Variants in MAGI3 observed in about 807,000 individuals in gnomAD.
The protein encoded by MAGI3 is membrane-associated guanylate kinase, WW and PDZ domain-containing protein 3.
MAGI3 carries 43 observed loss-of-function variants against 121.8 expected under a neutral mutation model. The observed-to-expected ratio is 0.35, with a 90% CI of 0.28 to 0.46. The LOEUF is 0.46. MAGI3 is among the 20% of genes least tolerant of loss of function. MAGI3 has a pLI of 1.00. For missense variants in MAGI3, 1,547 were observed against 1,797.3 expected, an observed-to-expected ratio of 0.86 and a Z score of 2.52; for synonymous variants, 553 against 639.3, an observed-to-expected ratio of 0.86 and a Z score of 2.04.
intron 4 of MAGI3, 103 bp from the exon 5 acceptor site, chr1:113,590,381 C>T: frequency 2.7e-6 from 3 of 1,111,874 alleles, no homozygotes; most frequent in South Asian, 2.9e-5. Flanking sequence ...AAGAAATTTG[C>T]CATATTTATG....
In MAGI3 at chr1:113,642,071, T is replaced by C; in HGVS notation, c.1521T>C (p.Ile507=). 1 of 1,614,156 alleles carries C rather than the reference T, an allele frequency of 6.2e-7. No individual in the cohort carries two copies. The highest frequency in any genetic ancestry group is 8.5e-7 in the Non-Finnish European group (1 of 1,180,040). Reference sequence around the variant, plus strand: ...ACAGTGAAGATCCTGTTGTGGACATTGTTGCTGCTACCCCTGTCATCAATG... The same window carrying C: ...ACAGTGAAGATCCTGTTGTGGACATCGTTGCTGCTACCCCTGTCATCAATG... ...PDDSEDPVVD[I]VAATPVINGQ... The change falls in exon 10 of 21, where the codon ATT becomes ATC. Residue 507 remains isoleucine, a synonymous_variant. Transcript: ENST00000307546.
intron 1 of MAGI3, among the ~76,000 whole-genome samples, chr1:113,523,959 G>C (rs1658328809): frequency 6.6e-6 from 1 of 152,172 alleles, no homozygotes; most frequent in African/African-American, 2.4e-5. Context: ...TCCCTCTGCT[G>C]TGTGCAGTCT....
At chr1:113,513,801 T>C (rs1440074288) in intron 1 of MAGI3, among the ~76,000 whole-genome samples, 1 of 152,034 alleles carries the variant, frequency 6.6e-6, no homozygotes, top group African/African-American at 2.4e-5. Context: ...ACTAAAGAGC[T>C]TCTGCACAGC....
At chr1:113,558,143 G>C (rs1321476434) in intron 2 of MAGI3, among the ~76,000 whole-genome samples, 1 of 152,140 alleles carries the variant, frequency 6.6e-6, no homozygotes, top group African/African-American at 2.4e-5. Flanking sequence ...CAAAAAGCTA[G>C]GGTACCCCCT....
At chr1:113,449,822 T>A (rs1476762990) in intron 1 of MAGI3, 2 of 1,262,032 alleles carry the variant, frequency 1.6e-6, no homozygotes, top group East Asian at 2.3e-5. Context: ...CACTCACAGA[T>A]TGTGTGGTAA....
At chr1:113,451,664 C>G (rs1308539089) in intron 1 of MAGI3, among the ~76,000 whole-genome samples, 1 of 151,926 alleles carries the variant, frequency 6.6e-6, no homozygotes, top group Non-Finnish European at 1.5e-5. Flanking sequence ...GTAGTATGAT[C>G]AAGCAACTAT....
chr1:113,641,057 ATATATGATATATATAAT>A (rs1652471740), intron 9 of MAGI3, among the ~76,000 whole-genome samples: 1 of 101,376 alleles, frequency 9.9e-6, no homozygotes, highest in African/African-American at 4.3e-5. Flanking sequence ...ATGATATATT[ATATATGATATATATAAT>A]ATATATGAGA....
At chr1:113,451,066 A>G (rs1654461390) in intron 1 of MAGI3, among the ~76,000 whole-genome samples, 1 of 152,258 alleles carries the variant, frequency 6.6e-6, no homozygotes, top group South Asian at 2.1e-4. Context: ...ATTGCCCTGT[A>G]AATTGTGGTA....
At position 113,549,601 on chromosome 1, in the gene MAGI3, A is replaced by G; in HGVS notation, c.403A>G (p.Arg135Gly). ...SIDHKLQQVI[R>G]DNLYLRTIPC... ...TGACCACAAACTGCAGCAAGTGATC[A>G]GAGATAATCTCTACTTGAGAACCAT... Residue 135 changes from arginine (R) to glycine (G), a missense_variant, in exon 2 of 21, where the codon AGA becomes GGA. Transcript: ENST00000307546. 2 of 1,604,432 alleles carry G rather than the reference A, an allele frequency of 1.2e-6. No homozygotes were observed. The highest frequency in any genetic ancestry group is 1.7e-6 in the Non-Finnish European group (2 of 1,173,920).
intron 1 of MAGI3, among the ~76,000 whole-genome samples, chr1:113,418,932 C>T (rs897199390): frequency 1.3e-5 from 2 of 152,082 alleles, no homozygotes; most frequent in African/African-American, 4.8e-5. Flanking sequence ...ATATATATTA[C>T]AGTACATTTA....
chr1:113,570,725 T>C (rs919880162), intron 2 of MAGI3, among the ~76,000 whole-genome samples: 4 of 152,160 alleles, frequency 2.6e-5, no homozygotes, highest in African/African-American at 4.8e-5. Flanking sequence ...CTTCGCCCAA[T>C]TTTTGATGGG....
intron 1 of MAGI3, among the ~76,000 whole-genome samples, chr1:113,477,561 G>C (rs1254013788): frequency 6.6e-6 from 1 of 152,140 alleles, no homozygotes; most frequent in African/African-American, 2.4e-5. Context: ...GGCCCCCACT[G>C]TCTTTTGGCT....
At chr1:113,620,936 G>A (rs545766215) in intron 8 of MAGI3, among the ~76,000 whole-genome samples, 3 of 152,106 alleles carry the variant, frequency 2.0e-5, no homozygotes, top group African/African-American at 7.2e-5. Flanking sequence ...TGCCTACAAT[G>A]GTATTAAGCA....
chr1:113,425,273 ATTTTTTTTTTTT>A (rs949045641), intron 1 of MAGI3, among the ~76,000 whole-genome samples: 3 of 86,862 alleles, frequency 3.5e-5, no homozygotes, highest in African/African-American at 8.8e-5. Flanking sequence ...TACAAATTCA[ATTTTTTTTTTTT>A]TTTTTTTTTT....
chr1:113,439,849 A>T (rs1653824235), intron 1 of MAGI3, among the ~76,000 whole-genome samples: 1 of 152,204 alleles, frequency 6.6e-6, no homozygotes, highest in Non-Finnish European at 1.5e-5. Flanking sequence ...GAAATTAATT[A>T]ATTTCCCCAG....
chr1:113,576,810 C>G (rs1647678895), intron 2 of MAGI3: 1 of 152,046 alleles, frequency 6.6e-6, no homozygotes, highest in Admixed American at 6.6e-5. Context: ...TTTCGGATGT[C>G]TTGTTCATTG....
chr1:113,447,556 T>TA lies in MAGI3; in HGVS notation c.316+56216dup, dbSNP rs987702014. Among the ~76,000 whole-genome samples the TA allele has an allele frequency of 6.6e-5, 10 of 151,400 alleles. No individual in the cohort carries two copies. The East Asian group carries it at 1.4e-3, about 21-fold the overall frequency. ...AGCAATCACAATAAAACTGGGAAAT[T>TA]AAAAAAAAATTGTGCGGCTGGGAGC... On this transcript the variant is annotated intron_variant, in intron 1 of 20. Coordinates refer to ENST00000307546, the MANE Select transcript of MAGI3 (RefSeq NM_001142782.2).
chr1:113,405,292 T>C (rs1383358791), intron 1 of MAGI3, among the ~76,000 whole-genome samples: 2 of 151,792 alleles, frequency 1.3e-5, no homozygotes, highest in East Asian at 3.9e-4. Flanking sequence ...CTGGGCTACA[T>C]GGCGGAACCC....
Position 113,422,505 on chromosome 1 carries a change from G to T in MAGI3, c.316+31156G>T, listed in dbSNP as rs1276140305. The stretch of plus-strand genomic sequence containing the variant: ...GTGAGCCAGGACAGAGCGGTGAGGG[G>T]CATGTGAGTGAGCGAGTGTGGGGTC... On this transcript the variant is annotated intron_variant, in intron 1 of 20. Coordinates refer to ENST00000307546, the MANE Select transcript of MAGI3 (RefSeq NM_001142782.2). The surrounding 1 kb of genome is among the most constrained non-coding windows in gnomAD (Gnocchi z 4.3). Among the ~76,000 whole-genome samples the T allele has an allele frequency of 6.6e-6, 1 of 152,234 alleles. No individual in the cohort carries two copies. Among genetic ancestry groups the T allele is most frequent in the Non-Finnish European group, 1.5e-5 (1 of 68,042 alleles).
Sources: allele counts gnomAD v4.1 joint callset (sites outside exome capture counted in the v4.1 genomes callset), GRCh38; gene constraint gnomAD v4.1.1; non-coding constraint Gnocchi (gnomAD v3.1); transcripts MANE v1.5; gene names NCBI Gene and HGNC (gene_info 2026-07-23, HGNC 2026-07-21).